NBEA: variants seen among roughly 807,000 people sequenced by gnomAD.
The protein encoded by NBEA is lysosomal-trafficking regulator 2.
In NBEA, 44 loss-of-function variants were observed where a neutral mutation model predicts 343.4. The observed-to-expected ratio is 0.13, with a 90% CI of 0.10 to 0.16. The LOEUF is 0.16. Among genes scored for constraint, NBEA ranks in the 10% least tolerant of loss-of-function variants. NBEA has a pLI of 1.00. For synonymous variants in NBEA, 1,175 were observed against 1,238.7 expected, an observed-to-expected ratio of 0.95 and a Z score of 1.08; for missense variants, 2,555 against 3,631.3, an observed-to-expected ratio of 0.70 and a Z score of 7.62.
intron 45 of NBEA, among the ~76,000 whole-genome samples, chr13:35,573,322 A>G (rs1483751299): frequency 1.3e-5 from 2 of 152,232 alleles, no homozygotes; most frequent in Non-Finnish European, 2.9e-5. Context: ...ATACAAAGGC[A>G]ATAAGACTTA....
chr13:35,365,762 A>G (rs2041068840), intron 38 of NBEA, among the ~76,000 whole-genome samples: 1 of 151,778 alleles, frequency 6.6e-6, no homozygotes, highest in African/African-American at 2.4e-5. Context: ...AAAAAGGTTT[A>G]GAAATTTGAA....
chr13:35,328,294 G>C (rs560295143), intron 36 of NBEA, among the ~76,000 whole-genome samples: 1 of 151,706 alleles, frequency 6.6e-6, no homozygotes, highest in East Asian at 1.9e-4. Context: ...AAGCACTTAG[G>C]GGTATACTTT....
intron 1 of NBEA, among the ~76,000 whole-genome samples, chr13:34,966,837 G>A (rs1379682770): frequency 6.6e-6 from 1 of 151,762 alleles, no homozygotes; most frequent in Non-Finnish European, 1.5e-5. Context: ...TAGTCAAAAT[G>A]TGGTCCACAG....
At chr13:35,088,636 A>G (rs1362726120) in intron 10 of NBEA, among the ~76,000 whole-genome samples, 1 of 151,952 alleles carries the variant, frequency 6.6e-6, no homozygotes, top group Non-Finnish European at 1.5e-5. Flanking sequence ...AGGGTCTCTG[A>G]AATACATAGT....
chr13:35,629,109 A>G (rs576340816), intron 49 of NBEA, among the ~76,000 whole-genome samples: 1 of 152,214 alleles, frequency 6.6e-6, no homozygotes, highest in Non-Finnish European at 1.5e-5. Context: ...AAATATTCAT[A>G]TAAAATATTA....
In NBEA at chr13:35,495,796, C is replaced by A. The variant is rs146269445; in HGVS notation, c.6585+23260C>A. Reference sequence around the variant, plus strand: ...TAAATTTAAAAGGATTAAAATAATACAAAGATTTTTTGACACAATGGAATT... The same window carrying A: ...TAAATTTAAAAGGATTAAAATAATAAAAAGATTTTTTGACACAATGGAATT... On this transcript the variant is annotated intron_variant, in intron 41 of 58. Coordinates refer to ENST00000379939, the MANE Select transcript of NBEA (RefSeq NM_001385012.1). 6.7e-3 allele frequency among the ~76,000 whole-genome samples: 1,012 copies of A among 152,110 alleles called. 7 individuals are homozygous for A. Among genetic ancestry groups the A allele is most frequent in the South Asian group, 0.014 (68 of 4,826 alleles).
At chr13:35,072,923 C>T (rs1232813549) in intron 10 of NBEA, among the ~76,000 whole-genome samples, 2 of 152,146 alleles carry the variant, frequency 1.3e-5, no homozygotes, top group Non-Finnish European at 2.9e-5. Flanking sequence ...CTCTTTAATA[C>T]GTACTCAATT....
chr13:35,249,172 AG>A (rs1303396399), intron 34 of NBEA, among the ~76,000 whole-genome samples: 2 of 151,006 alleles, frequency 1.3e-5, no homozygotes, highest in Admixed American at 6.6e-5. Context: ...AAAAAAAAAA[AG>A]CTTCATGACA....
At chr13:35,145,750 G>C (rs1393782782) in intron 18 of NBEA, among the ~76,000 whole-genome samples, 4 of 152,192 alleles carry the variant, frequency 2.6e-5, no homozygotes, top group African/African-American at 4.8e-5. Context: ...GGTGTCTTCT[G>C]ATATTTGGGT....
intron 40 of NBEA, among the ~76,000 whole-genome samples, chr13:35,467,756 A>G (rs987576500): frequency 3.9e-5 from 6 of 152,198 alleles, no homozygotes; most frequent in Non-Finnish European, 7.3e-5. Flanking sequence ...AATATTTTAC[A>G]TGTTCTAAAA....
At chr13:35,391,908 A>T (rs898041261) in intron 38 of NBEA, among the ~76,000 whole-genome samples, 1 of 152,104 alleles carries the variant, frequency 6.6e-6, no homozygotes, top group Non-Finnish European at 1.5e-5. Context: ...TTTCTATACA[A>T]CTGAATTTAG....
chr13:35,407,910 C>G (rs990376519), intron 38 of NBEA, among the ~76,000 whole-genome samples: 1 of 152,122 alleles, frequency 6.6e-6, no homozygotes, highest in African/African-American at 2.4e-5. Context: ...TAGGAAGAAT[C>G]AATATCATTA....
At chr13:35,071,686 T>A (rs1363197764) in intron 10 of NBEA, among the ~76,000 whole-genome samples, 1 of 151,994 alleles carries the variant, frequency 6.6e-6, no homozygotes, top group Non-Finnish European at 1.5e-5. Flanking sequence ...CCTTAATGGG[T>A]TATCTAATTT....
intron 30 of NBEA, among the ~76,000 whole-genome samples, chr13:35,191,847 T>C (rs1329849145): frequency 1.3e-5 from 2 of 152,080 alleles, no homozygotes; most frequent in African/African-American, 2.4e-5. Flanking sequence ...GTAAGACATA[T>C]TGAAATTCTT....
At chr13:35,384,358 T>C (rs1286191567) in intron 38 of NBEA, among the ~76,000 whole-genome samples, 1 of 152,048 alleles carries the variant, frequency 6.6e-6, no homozygotes, top group Admixed American at 6.6e-5. Context: ...ACCTTTGAAG[T>C]ATGTGAGAGT....
chr13:35,168,978 C>T lies in NBEA; in HGVS notation c.4234-9C>T. The T allele has an allele frequency of 6.8e-7, 1 of 1,479,998 alleles. No homozygotes were observed. The highest frequency in any genetic ancestry group is 9.0e-7 in the Non-Finnish European group (1 of 1,115,952). 91.7% of individuals were successfully genotyped at this position (1,479,998 alleles called of 1,614,324 possible). ...GGTCTGTTGTCTGTTTTGTCTAATG[C>T]ATGTCCAGGGTTCTAAGGTTAGTAT... On this transcript the variant is annotated splice_polypyrimidine_tract_variant and intron_variant, in intron 24 of 58. Coordinates refer to ENST00000379939, the MANE Select transcript of NBEA (RefSeq NM_001385012.1).
chr13:35,413,868 A>T (rs2043737270), intron 38 of NBEA, among the ~76,000 whole-genome samples: 1 of 152,154 alleles, frequency 6.6e-6, no homozygotes, highest in African/African-American at 2.4e-5. Flanking sequence ...AAAAATAAAC[A>T]AATGAAAAGA....
At chr13:35,120,126 A>G (rs2066714181) in intron 16 of NBEA, among the ~76,000 whole-genome samples, 1 of 152,214 alleles carries the variant, frequency 6.6e-6, no homozygotes, top group Non-Finnish European at 1.5e-5. Context: ...CTCTTGTAGA[A>G]GATACCAAAC....
At chr13:35,287,133 T>C (rs2152815727) in intron 34 of NBEA, among the ~76,000 whole-genome samples, 1 of 152,224 alleles carries the variant, frequency 6.6e-6, no homozygotes, top group Admixed American at 6.6e-5. Flanking sequence ...ACACATTTAT[T>C]GTTTACATCC....
Sources: gnomAD v4.1 joint callset for allele counts (sites outside exome capture counted in the v4.1 genomes callset) on GRCh38, gnomAD v4.1.1 for gene constraint, MANE v1.5 for transcripts, NCBI Gene and HGNC (gene_info 2026-07-23, HGNC 2026-07-21) for gene names.